The following DSCAM variants were observed in gnomAD, a reference collection of about 807,000 sequenced individuals.
DSCAM encodes the protein DS cell adhesion molecule.
In DSCAM, 47 loss-of-function variants were observed where a neutral mutation model predicts 217.7. The observed-to-expected ratio is 0.22, with a 90% CI of 0.17 to 0.28. The LOEUF (loss-of-function observed/expected upper bound fraction) is 0.28, where lower values mean the gene tolerates loss of function less well. DSCAM is among the 10% of genes least tolerant of loss of function. The probability of loss-of-function intolerance (pLI) is 1.00; values close to 1 mark genes in which losing one functional copy is unlikely to be tolerated. For synonymous variants in DSCAM, 1,056 were observed against 1,015.3 expected (o/e 1.04, Z -0.76); for missense variants, 2,080 against 2,618.3 (o/e 0.79, Z 4.49).
At chr21:40,619,850 A>C (rs1448115926) in intron 3 of DSCAM, among the ~76,000 whole-genome samples, 1 of 151,830 alleles carries the variant, frequency 6.6e-6, no homozygotes, top group African/African-American at 2.4e-5. Flanking sequence ...AAAGAAAAAA[A>C]AAAAAGCTCA....
At chr21:40,200,940 G>A (rs1044466978) in intron 11 of DSCAM, among the ~76,000 whole-genome samples, 3 of 152,194 alleles carry the variant, frequency 2.0e-5, no homozygotes, top group African/African-American at 7.2e-5. Context: ...CGGCAAGTGA[G>A]GCTGCCTACT....
At chr21:40,345,439 T>C (rs1471053662) in intron 6 of DSCAM, among the ~76,000 whole-genome samples, 1 of 152,210 alleles carries the variant, frequency 6.6e-6, no homozygotes, top group African/African-American at 2.4e-5. Context: ...CAAAGTTTCT[T>C]GTTTTTATCA....
intron 4 of DSCAM, among the ~76,000 whole-genome samples, chr21:40,359,237 C>T (rs2074730692): frequency 6.6e-6 from 1 of 152,194 alleles, no homozygotes; most frequent in Admixed American, 6.5e-5. Context: ...TGCTGGAGTG[C>T]CAGCCTTCAC....
intron 3 of DSCAM, among the ~76,000 whole-genome samples, chr21:40,551,813 G>A (rs75083776): frequency 0.032 from 4,929 of 152,194 alleles, 270 homozygotes; most frequent in African/African-American, 0.11. Flanking sequence ...GCTCAGTCGT[G>A]TCTAAACTCC....
At chr21:40,021,606 T>C (rs145948407) in intron 32 of DSCAM, among the ~76,000 whole-genome samples, 1 of 152,352 alleles carries the variant, frequency 6.6e-6, no homozygotes, top group Non-Finnish European at 1.5e-5. Flanking sequence ...GCTTTACCCA[T>C]TATTGCAGCA....
At chr21:40,619,557 A>T (rs1222031618) in intron 3 of DSCAM, among the ~76,000 whole-genome samples, 1 of 152,212 alleles carries the variant, frequency 6.6e-6, no homozygotes, top group East Asian at 1.9e-4. Flanking sequence ...CATGAAAAAG[A>T]AAGGAAATGG....
At chr21:40,033,265 G>A (rs532528149) in intron 32 of DSCAM, among the ~76,000 whole-genome samples, 3 of 152,296 alleles carry the variant, frequency 2.0e-5, no homozygotes, top group Admixed American at 1.3e-4. Context: ...CTGAGGTACC[G>A]GGTTCATCTC....
Position 40,182,596 on chromosome 21 carries a change from GCAGAGAAACCGTGGACAGAACGGGCCAC to G in DSCAM, c.2780-3530_2780-3503del, listed in dbSNP as rs1568986345. Among the ~76,000 whole-genome samples, 174 of 114,016 alleles carry G rather than the reference GCAGAGAAACCGTGGACAGAACGGGCCAC, an allele frequency of 1.5e-3. 1 individual carries two copies. Among genetic ancestry groups the G allele is most frequent in the African/African-American group, 4.7e-3 (120 of 25,566 alleles). The allele number at this position is 114,016 out of a possible 152,430, so 74.8% of individuals were successfully genotyped here. ...GAGAAACTGTGGACAGGAGGGGCCA[GCAGAGAAACCGTGGACAGAACGGGCCAC>G]CAGAGAAACCGTGGACAGGAGGGGG... On this transcript the variant is annotated intron_variant, in intron 14 of 32. Transcript: ENST00000400454.
intron 3 of DSCAM, among the ~76,000 whole-genome samples, chr21:40,492,191 T>C (rs1010691039): frequency 6.6e-6 from 1 of 152,218 alleles, no homozygotes; most frequent in Non-Finnish European, 1.5e-5. Context: ...TTCTACTTTA[T>C]AATGCATGTG....
At chr21:40,304,233 C>A (rs2074047098) in intron 9 of DSCAM, among the ~76,000 whole-genome samples, 1 of 152,238 alleles carries the variant, frequency 6.6e-6, no homozygotes, top group Non-Finnish European at 1.5e-5. Flanking sequence ...AATCTTCCCA[C>A]TAACCCAGGC....
At chr21:40,339,461 TAAAC>T in intron 6 of DSCAM, 46 bp from the exon 7 acceptor site, 2 of 1,502,964 alleles carry the variant, frequency 1.3e-6, no homozygotes, top group Non-Finnish European at 8.9e-7. Context: ...TACAAATAAT[TAAAC>T]AACTTCCAAG....
At chr21:40,162,016 G>C (rs568371158) in intron 16 of DSCAM, among the ~76,000 whole-genome samples, 2 of 152,156 alleles carry the variant, frequency 1.3e-5, no homozygotes. Context: ...AATTTTTATG[G>C]GGTTGGGTAT....
chr21:40,477,001 G>T (rs1480534014), intron 3 of DSCAM, among the ~76,000 whole-genome samples: 2 of 152,136 alleles, frequency 1.3e-5, no homozygotes, highest in Non-Finnish European at 2.9e-5. Context: ...ATATTTTATT[G>T]CATGAAATTT....
At chr21:40,332,307 G>A (rs535576610) in intron 8 of DSCAM, among the ~76,000 whole-genome samples, 512 of 152,178 alleles carry the variant, frequency 3.4e-3, no homozygotes, top group Middle Eastern at 0.01. Context: ...GAGTCACCAC[G>A]GGTTGTGTTG....
chr21:40,480,037 A>G (rs924137125), intron 3 of DSCAM, among the ~76,000 whole-genome samples: 3 of 152,156 alleles, frequency 2.0e-5, no homozygotes, highest in African/African-American at 7.2e-5. Context: ...TTGTGCCACA[A>G]TATTTTACCC....
chr21:40,390,556 G>A (rs928695877), intron 3 of DSCAM, among the ~76,000 whole-genome samples: 1 of 152,052 alleles, frequency 6.6e-6, no homozygotes, highest in Non-Finnish European at 1.5e-5. Context: ...ATGATAGCAG[G>A]GTATTCTTTT....
At chr21:40,363,783 G>T (rs572305486) in intron 4 of DSCAM, among the ~76,000 whole-genome samples, 3 of 152,218 alleles carry the variant, frequency 2.0e-5, no homozygotes, top group South Asian at 4.2e-4. Flanking sequence ...CTACTCATCT[G>T]ACAAAGGGCT....
intron 3 of DSCAM, among the ~76,000 whole-genome samples, chr21:40,483,101 C>T (rs764770163): frequency 7.9e-5 from 12 of 152,330 alleles, no homozygotes; most frequent in East Asian, 3.9e-4. Flanking sequence ...AAATGTCCCA[C>T]GCAATTCTTC....
chr21:40,181,619 C>A (rs57011481), intron 14 of DSCAM, among the ~76,000 whole-genome samples: 9,977 of 151,820 alleles, frequency 0.066, 1,050 homozygotes, highest in African/African-American at 0.22. Context: ...TTCTGTAATG[C>A]ATGACCTCCA....
Sources: allele counts gnomAD v4.1 joint callset (sites outside exome capture counted in the v4.1 genomes callset), GRCh38; gene constraint gnomAD v4.1.1; transcripts MANE v1.5; gene names NCBI Gene and HGNC (gene_info 2026-07-23, HGNC 2026-07-21).